GDF1: variants seen among roughly 807,000 people sequenced by gnomAD.
GDF1 encodes embryonic growth/differentiation factor 1.
A neutral mutation model predicts 7.4 loss-of-function variants in GDF1; 8 were observed. The ratio of observed to expected loss-of-function variants is 1.09; its 90% CI spans 0.64 to 1.96. The LOEUF (loss-of-function observed/expected upper bound fraction) is 1.96, where lower values mean the gene tolerates loss of function less well. GDF1 is among the 30% of genes most tolerant of loss of function. The pLI is 0.00. For missense variants in GDF1, 574 were observed against 551.5 expected, an observed-to-expected ratio of 1.04 and a Z score of -0.41; for synonymous variants, 311 against 276.7, an observed-to-expected ratio of 1.12 and a Z score of -1.23.
At chr19:18,872,290 G>A (rs2055984142) in intron 6 of GDF1, among the ~76,000 whole-genome samples, 1 of 152,212 alleles carries the variant, frequency 6.6e-6, no homozygotes, top group South Asian at 2.1e-4. Flanking sequence ...GCCTTTTGAG[G>A]TGTGGGTGGC....
intron 1 of GDF1, among the ~76,000 whole-genome samples, chr19:18,894,890 C>T (rs1243365304): frequency 6.6e-6 from 1 of 152,310 alleles, no homozygotes; most frequent in East Asian, 1.9e-4. Context: ...TCCAGCCAGA[C>T]GGGCGGGGTG....
Position 18,873,624 on chromosome 19 carries a change from G to A in GDF1, c.-312-3005C>T, listed in dbSNP as rs1457807608. ...AGGCCAAGATGGGTGGATCACCTGA[G>A]GTCAGGTGTTCAAGACCAGCCTGGG... On this transcript the variant is annotated intron_variant, in intron 6 of 7. Transcript: ENST00000247005. Among the ~76,000 whole-genome samples the A allele has an allele frequency of 3.9e-5, 6 of 152,068 alleles. No homozygotes were observed. The East Asian group carries it at 1.2e-3, about 29-fold the overall frequency.
Position 18,895,887 on chromosome 19 carries a change from C to CA in GDF1, c.-1138dup. 1 of 1,276,506 alleles carries CA rather than the reference C, an allele frequency of 7.8e-7. No individual in the cohort carries two copies. The highest frequency in any genetic ancestry group is 9.9e-7 in the Non-Finnish European group (1 of 1,012,426). The allele number at this position is 1,276,506 out of a possible 1,614,324, so 79.1% of individuals were successfully genotyped here. The stretch of plus-strand genomic sequence containing the variant: ...TCCAGCCCAGCGCGCCGAGCGCCAG[C>CA]AGCAGCAGCTCGGGCGGCGCCAGGT... On this transcript the variant is annotated 5_prime_UTR_variant, in exon 1 of 8. It introduces an in-frame stop codon into an upstream open reading frame of the 5' UTR. Coordinates refer to ENST00000247005, the MANE Select transcript of GDF1 (RefSeq NM_001492.6). The surrounding 1 kb of genome is among the most constrained non-coding windows in gnomAD (Gnocchi z 6.4).
At position 18,868,906 on chromosome 19, in the gene GDF1, CCG is replaced by C. The variant is rs2055905420; in HGVS notation, c.808_809del (p.Arg270AlafsTer81). The C allele has an allele frequency of 1.3e-5, 18 of 1,380,212 alleles. No homozygotes were observed. The highest frequency in any genetic ancestry group is 1.7e-5 in the Non-Finnish European group (18 of 1,057,976). 85.5% of individuals were successfully genotyped at this position (1,380,212 alleles called of 1,614,324 possible). A position where few individuals can be genotyped will look rare whatever the true frequency, so the allele number is the denominator to read the frequency against. On this transcript the variant is annotated frameshift_variant, in exon 8 of 8. Coordinates refer to ENST00000247005, the MANE Select transcript of GDF1 (RefSeq NM_001492.6). LOFTEE classifies it low-confidence loss of function (END_TRUNC). ...GGGPGGACRA[R>X]RLYVSFREVG... ...CCTCGCGGAAGCTCACGTACAGCCGCCGCGCGCGACAAGCGCCCCCGGGGCCG... is the reference window on the plus strand; with the variant it reads ...CCTCGCGGAAGCTCACGTACAGCCGCCGCGCGACAAGCGCCCCCGGGGCCG...
At chr19:18,877,749 C>G (rs2056085807) in intron 6 of GDF1, among the ~76,000 whole-genome samples, 3 of 98,630 alleles carry the variant, frequency 3.0e-5, no homozygotes, top group Non-Finnish European at 5.9e-5. Context: ...AGAGTGAGAC[C>G]CTGTCTCAAA....
rs772007237 is a variant in GDF1, at chr19:18,879,324, G to A, written c.-506C>T. The stretch of plus-strand genomic sequence containing the variant: ...TAGAAGGGGATGTCAGGCACCGTGC[G>A]CAGACTGCAGTGACTGGTGGCATAC... On this transcript the variant is annotated 5_prime_UTR_variant, in exon 5 of 8. Transcript: ENST00000247005. 4.1e-5 allele frequency: 66 copies of A among 1,608,344 alleles called. No homozygotes were observed. Among genetic ancestry groups the A allele is most frequent in the Non-Finnish European group, 5.3e-5 (62 of 1,177,502 alleles).
At chr19:18,883,310 T>G (rs1033680152) in intron 3 of GDF1, 2 of 152,200 alleles carry the variant, frequency 1.3e-5, no homozygotes, top group Non-Finnish European at 2.9e-5. Flanking sequence ...ACAGGTAATA[T>G]TAATTTTAAT....
chr19:18,868,802 G>A lies in GDF1; in HGVS notation c.914C>T (p.Ala305Val). The change falls in exon 8 of 8, where the codon GCG (alanine) becomes GTG (valine). Residue 305 changes from alanine (A) to valine (V), a missense_variant. Transcript: ENST00000247005. ...CGGCGGCCCCCCGGACCCCGACAGC[G>A]CGACGGGCAGCGCGCACTGACCCTG... The part of the protein sequence containing the change: ...YCQGQCALPV[A>V]LSGSGGPPAL... The A allele has an allele frequency of 2.1e-6, 3 of 1,455,746 alleles. No individual in the cohort carries two copies. The highest frequency in any genetic ancestry group is 1.5e-5 in the African/African-American group (1 of 67,000). 90.2% of individuals were successfully genotyped at this position (1,455,746 alleles called of 1,614,324 possible). A position where few individuals can be genotyped will look rare whatever the true frequency, so the allele number is the denominator to read the frequency against.
In GDF1 at chr19:18,893,638, G is replaced by A. The variant is rs144813124; in HGVS notation, c.-1073-63C>T. 2.4e-3 allele frequency: 3,605 copies of A among 1,517,006 alleles called. 59 individuals are homozygous for A. The African/African-American group carries it at 0.042, about 18-fold the overall frequency. 94.0% of individuals were successfully genotyped at this position (1,517,006 alleles called of 1,614,324 possible). On this transcript the variant is annotated intron_variant, in intron 1 of 7. Transcript: ENST00000247005. ...GGGGGCCAGAGACTGCTCCTTTGGG[G>A]TGGGGAAACTGAGGCCCAGGGACTC...
At position 18,895,427 on chromosome 19, in the gene GDF1, G is replaced by A. The variant is rs1225181326; in HGVS notation, c.-1074+397C>T. Among the ~76,000 whole-genome samples, 1 of 152,106 alleles carries A rather than the reference G, an allele frequency of 6.6e-6. No homozygotes were observed. The highest frequency in any genetic ancestry group is 1.5e-5 in the Non-Finnish European group (1 of 67,982). On this transcript the variant is annotated intron_variant, in intron 1 of 7. Transcript: ENST00000247005. This position sits in a 1 kb window ranked among gnomAD's most constrained non-coding sequence, Gnocchi z 6.4. Reference sequence around the variant, plus strand: ...CTCAGTGTCTGGCTCGGCCCTGCCGGAAAGAGCGCGCGGTGGCCGGAGCCA... The same window carrying A: ...CTCAGTGTCTGGCTCGGCCCTGCCGAAAAGAGCGCGCGGTGGCCGGAGCCA...
chr19:18,869,334 T>G lies in GDF1; in HGVS notation c.382A>C (p.Thr128Pro), dbSNP rs761762230. ...ACAGCCGACAGGTCGAAGACGACTG[T>G]CCACTCAGGGCAATGCCCCGCGGCC... ...ASAAGHCPEW[T>P]VVFDLSAVEP... is the part of the protein sequence containing the mutation. Residue 128 changes from threonine to proline, a missense_variant, in exon 8 of 8, where the codon ACA becomes CCA. Thr to Pro is a conservative substitution (Grantham distance 38, BLOSUM62 -1). Transcript: ENST00000247005. 3.7e-5 allele frequency: 57 copies of G among 1,528,812 alleles called. No homozygotes were observed. The East Asian group carries it at 1.4e-3, about 37-fold the overall frequency. The allele number at this position is 1,528,812 out of a possible 1,614,324, so 94.7% of individuals were successfully genotyped here.
At position 18,869,985 on chromosome 19, in the gene GDF1, C is replaced by T. The variant is rs1188718821; in HGVS notation, c.323G>A (p.Arg108His). ...AGNIVRHIPD[R>H]GAPTRASEPA... is the part of the protein sequence containing the mutation. ...TCCCCAGCGAAAGCCCCACTCACCG[C>T]GGTCCGGGATGTGGCGCACGATGTT... The change falls in exon 7 of 8, where the codon CGC (arginine) becomes CAC (histidine). Residue 108 changes from arginine (R) to histidine (H), a missense_variant and splice_region_variant. Transcript: ENST00000247005. 3 of 1,588,362 alleles carry T rather than the reference C, an allele frequency of 1.9e-6. No homozygotes were observed. The highest frequency in any genetic ancestry group is 2.3e-5 in the East Asian group (1 of 43,228).
At chr19:18,894,263 CG>C (rs753533597) in intron 1 of GDF1, among the ~76,000 whole-genome samples, 1 of 83,434 alleles carries the variant, frequency 1.2e-5, no homozygotes, top group African/African-American at 4.7e-5. Flanking sequence ...GGGTGGGTGG[CG>C]GGGCGCGGCT....
Position 18,878,856 on chromosome 19 carries a change from G to C in GDF1, c.-313+74C>G. ...GCCTCATCTGCTGCTGGGTCTTGGG[G>C]GCCTGCCCACGAACACGCTTGGACG... On this transcript the variant is annotated intron_variant, in intron 6 of 7. Coordinates refer to ENST00000247005, the MANE Select transcript of GDF1 (RefSeq NM_001492.6). This position sits in a 1 kb window ranked among gnomAD's most constrained non-coding sequence, Gnocchi z 4.6. The C allele has an allele frequency of 6.4e-7, 1 of 1,563,718 alleles. No homozygotes were observed. Among genetic ancestry groups the C allele is most frequent in the South Asian group, 1.2e-5 (1 of 86,546 alleles).
In GDF1 at chr19:18,884,257, C is replaced by T. The variant is rs777354771; in HGVS notation, c.-903G>A. On this transcript the variant is annotated 5_prime_UTR_variant, in exon 3 of 8. Coordinates refer to ENST00000247005, the MANE Select transcript of GDF1 (RefSeq NM_001492.6). ...CAATGTCCCGTGGCACTGCCATGCC[C>T]GGCGTCCAGTCTGGGGAGAGCCAAA... 3.1e-5 allele frequency: 50 copies of T among 1,611,908 alleles called. No homozygotes were observed. The highest frequency in any genetic ancestry group is 3.6e-5 in the Non-Finnish European group (43 of 1,179,436).
intron 2 of GDF1, among the ~76,000 whole-genome samples, chr19:18,887,929 C>T (rs913772031): frequency 3.9e-5 from 6 of 152,156 alleles, no homozygotes; most frequent in African/African-American, 1.4e-4. Context: ...CTCCCCCAGC[C>T]CTGGCACCCC....
At chr19:18,875,887 G>C (rs761845496) in intron 6 of GDF1, among the ~76,000 whole-genome samples, 2 of 152,226 alleles carry the variant, frequency 1.3e-5, no homozygotes, top group Non-Finnish European at 2.9e-5. Context: ...CAAGAGGCAA[G>C]GAGGGGATCC....
intron 2 of GDF1, among the ~76,000 whole-genome samples, chr19:18,891,393 C>CT (rs2146063759): frequency 6.6e-6 from 1 of 152,294 alleles, no homozygotes; most frequent in East Asian, 1.9e-4. Flanking sequence ...GCAGCCCCCA[C>CT]TGCCCCATCG....
chr19:18,888,088 G>A (rs1205353314), intron 2 of GDF1, among the ~76,000 whole-genome samples: 1 of 152,188 alleles, frequency 6.6e-6, no homozygotes, highest in African/African-American at 2.4e-5. Flanking sequence ...GGCCAACTGA[G>A]GTGGCTCACG....
Sources: gnomAD v4.1 joint callset for allele counts (sites outside exome capture counted in the v4.1 genomes callset) on GRCh38, gnomAD v4.1.1 for gene constraint, Gnocchi (gnomAD v3.1) non-coding constraint, MANE v1.5 for transcripts, NCBI Gene and HGNC (gene_info 2026-07-23, HGNC 2026-07-21) for gene names.